Variants in RIMS1 observed in about 807,000 individuals in gnomAD.
The protein encoded by RIMS1 is regulating synaptic membrane exocytosis protein 1.
RIMS1 carries 83 observed loss-of-function variants against 214.1 expected under a neutral mutation model. That is an observed-to-expected ratio of 0.39 (90% CI 0.32 to 0.47). RIMS1 has a LOEUF of 0.47. Among genes scored for constraint, RIMS1 ranks in the 20% least tolerant of loss-of-function variants. The probability of loss-of-function intolerance (pLI) is 0.99; values close to 1 mark genes in which losing one functional copy is unlikely to be tolerated. For missense variants in RIMS1, 2,050 were observed against 2,161.8 expected (o/e 0.95, Z 1.03); for synonymous variants, 793 against 786.8 (o/e 1.01, Z -0.13).
At chr6:72,315,952 T>C (rs2095762067) in intron 28 of RIMS1, among the ~76,000 whole-genome samples, 1 of 152,184 alleles carries the variant, frequency 6.6e-6, no homozygotes, top group Non-Finnish European at 1.5e-5. Flanking sequence ...AACTAACATC[T>C]GCATAATTTC....
chr6:72,343,661 G>A (rs1169160603), intron 29 of RIMS1, among the ~76,000 whole-genome samples: 1 of 148,136 alleles, frequency 6.8e-6, no homozygotes, highest in Non-Finnish European at 1.5e-5. Context: ...TTTTTGCTTT[G>A]GCAATTTATT....
chr6:72,257,315 C>G lies in RIMS1; in HGVS notation c.2771-810C>G, dbSNP rs371096226. Among the ~76,000 whole-genome samples the G allele has an allele frequency of 1.5e-3, 222 of 151,832 alleles. 12 individuals carry two copies. In the South Asian group the frequency reaches 0.045, roughly 31 times the overall value. Reference sequence around the variant, plus strand: ...CTTCTTTTGGTTTTGAGATTACTGTCTTATCTTAACTAAATCGCAGACAAT... The same window carrying G: ...CTTCTTTTGGTTTTGAGATTACTGTGTTATCTTAACTAAATCGCAGACAAT... On this transcript the variant is annotated intron_variant, in intron 16 of 33. Coordinates refer to ENST00000521978, the MANE Select transcript of RIMS1 (RefSeq NM_014989.7).
chr6:72,092,291 C>CCCTCCCTTCCTTCCTTCCTT (rs745668426), intron 2 of RIMS1, among the ~76,000 whole-genome samples: 14 of 108,008 alleles, frequency 1.3e-4, no homozygotes, highest in African/African-American at 3.4e-4. Flanking sequence ...CTCCCTCCCT[C>CCCTCCCTTCCTTCCTTCCTT]CCTTCCTTCC....
intron 29 of RIMS1, among the ~76,000 whole-genome samples, chr6:72,359,016 C>T (rs1025073067): frequency 2.0e-5 from 3 of 152,190 alleles, no homozygotes; most frequent in African/African-American, 7.2e-5. Flanking sequence ...ATTGTGTTCT[C>T]TAGGCTTCAT....
intron 1 of RIMS1, among the ~76,000 whole-genome samples, chr6:71,927,236 A>T (rs1012791155): frequency 3.9e-5 from 6 of 152,192 alleles, no homozygotes; most frequent in African/African-American, 1.4e-4. Context: ...CTTCTATTTT[A>T]GATTAACAGA....
rs571892741 is a variant in RIMS1 at position 72,289,319 on chromosome 6, G to A, written c.3555-1360G>A. The stretch of plus-strand genomic sequence containing the variant: ...AGTAATAGATAAAACTCTCATCACT[G>A]GAAAGGACTTGATCATTTACTCTAT... On this transcript the variant is annotated intron_variant, in intron 24 of 33. Coordinates refer to ENST00000521978, the MANE Select transcript of RIMS1 (RefSeq NM_014989.7). 3.3e-5 allele frequency among the ~76,000 whole-genome samples: 5 copies of A among 152,178 alleles called. No homozygotes were observed. The South Asian group carries it at 1.0e-3, about 32-fold the overall frequency.
At chr6:72,149,870 G>T (rs2043279568) in intron 4 of RIMS1, among the ~76,000 whole-genome samples, 1 of 152,220 alleles carries the variant, frequency 6.6e-6, no homozygotes, top group Non-Finnish European at 1.5e-5. Context: ...CTGGCTTGCA[G>T]ACCAGCCTGT....
At chr6:71,948,998 A>C (rs1436006065) in intron 1 of RIMS1, among the ~76,000 whole-genome samples, 1 of 152,222 alleles carries the variant, frequency 6.6e-6, no homozygotes, top group Non-Finnish European at 1.5e-5. Context: ...GCAAGGGACA[A>C]TTAGCAGGGC....
chr6:72,287,342 AG>A (rs1394155811), intron 24 of RIMS1, among the ~76,000 whole-genome samples: 1 of 152,234 alleles, frequency 6.6e-6, no homozygotes, highest in African/African-American at 2.4e-5. Context: ...CAAAAACAAC[AG>A]AACTACATTG....
intron 28 of RIMS1, among the ~76,000 whole-genome samples, chr6:72,320,795 C>T (rs2096109062): frequency 6.6e-6 from 1 of 151,786 alleles, no homozygotes. Flanking sequence ...ATATTATTTC[C>T]AAGCTCATTA....
At chr6:71,922,319 C>T (rs1011556059) in intron 1 of RIMS1, among the ~76,000 whole-genome samples, 1 of 152,158 alleles carries the variant, frequency 6.6e-6, no homozygotes, top group Non-Finnish European at 1.5e-5. Flanking sequence ...CTTGCTCTTC[C>T]CCTCTCCTCT....
intron 2 of RIMS1, among the ~76,000 whole-genome samples, chr6:71,973,280 A>G (rs969783803): frequency 1.3e-5 from 2 of 152,200 alleles, no homozygotes; most frequent in Non-Finnish European, 2.9e-5. Flanking sequence ...AGAAGCAGAA[A>G]ACAATTACCC....
chr6:72,073,526 A>T (rs1044287645), intron 2 of RIMS1, among the ~76,000 whole-genome samples: 4 of 152,228 alleles, frequency 2.6e-5, no homozygotes, highest in African/African-American at 9.6e-5. Context: ...CTCTTGATAG[A>T]TATCAGACTT....
At chr6:71,969,826 A>G (rs1795395885) in intron 2 of RIMS1, among the ~76,000 whole-genome samples, 1 of 152,144 alleles carries the variant, frequency 6.6e-6, no homozygotes, top group African/African-American at 2.4e-5. Context: ...AAACAAAAAC[A>G]AAAACAAAAG....
intron 18 of RIMS1, among the ~76,000 whole-genome samples, chr6:72,259,385 C>A (rs553586162): frequency 6.6e-6 from 1 of 152,030 alleles, no homozygotes; most frequent in African/African-American, 2.4e-5. Context: ...TAGATATTGA[C>A]CTAAATTATA....
At chr6:72,218,720 A>G (rs2057300623) in intron 6 of RIMS1, among the ~76,000 whole-genome samples, 1 of 152,208 alleles carries the variant, frequency 6.6e-6, no homozygotes, top group South Asian at 2.1e-4. Context: ...GGCTGAGGCA[A>G]TGATGGTTCA....
intron 23 of RIMS1, among the ~76,000 whole-genome samples, chr6:72,279,407 C>G (rs2088783195): frequency 6.6e-6 from 1 of 151,926 alleles, no homozygotes; most frequent in South Asian, 2.1e-4. Flanking sequence ...GTTGAATGTA[C>G]TTTTATAGCT....
chr6:72,399,077 C>T lies in RIMS1; in HGVS notation c.4843C>T (p.Gln1615Ter). The change falls in exon 33 of 34, where the codon CAG becomes TAG. Residue 1615 changes from glutamine (Q) to a stop codon, truncating the protein, a stop_gained. Transcript: ENST00000521978. LOFTEE classifies it high-confidence loss of function. ...GTCTCTGGTTTTTGATGAAAGTCCA[C>T]AGGGTAAAGTTCTTCAGGTCAGTAA... ...QQSLVFDESP[Q>*]GKVLQVIVWG... is the part of the protein sequence containing the mutation. The T allele has an allele frequency of 6.2e-7, 1 of 1,607,330 alleles. No homozygotes were observed. Among genetic ancestry groups the T allele is most frequent in the Non-Finnish European group, 8.5e-7 (1 of 1,176,420 alleles).
intron 6 of RIMS1, among the ~76,000 whole-genome samples, chr6:72,200,858 TGTGTG>T (rs1158732531): frequency 0.022 from 22 of 1,010 alleles, no homozygotes; most frequent in South Asian, 0.1. Flanking sequence ...AGGACACAAT[TGTGTG>T]TGTGTGTGTG....
Sources: allele counts gnomAD v4.1 joint callset (sites outside exome capture counted in the v4.1 genomes callset), GRCh38; gene constraint gnomAD v4.1.1; transcripts MANE v1.5; gene names NCBI Gene and HGNC (gene_info 2026-07-23, HGNC 2026-07-21).